Variants in ACACA observed in about 807,000 individuals in gnomAD.
ACACA encodes the protein acetyl-CoA carboxylase 1.
ACACA carries 103 observed loss-of-function variants against 296.1 expected under a neutral mutation model. The ratio of observed to expected loss-of-function variants is 0.35; its 90% CI spans 0.30 to 0.41. The LOEUF is 0.41. Among genes scored for constraint, ACACA ranks in the 10% least tolerant of loss-of-function variants. ACACA has a pLI of 1.00. For missense variants in ACACA, 1,554 were observed against 2,989.7 expected (o/e 0.52, Z 11.20); for synonymous variants, 953 against 1,038.6 (o/e 0.92, Z 1.58).
intron 28 of ACACA, 63 bp downstream of exon 28, chr17:37,223,449 T>G: frequency 7.4e-7 from 1 of 1,354,552 alleles, no homozygotes; most frequent in Non-Finnish European, 1.1e-6. Flanking sequence ...GGCAGCCAAA[T>G]AGACAGAAGA....
chr17:37,173,974 T>G (rs2076971596), intron 41 of ACACA, among the ~76,000 whole-genome samples: 2 of 95,486 alleles, frequency 2.1e-5, no homozygotes, highest in East Asian at 2.6e-4. Flanking sequence ...CCAACACGCC[T>G]GGCTAATTTA....
chr17:37,247,960 G>C (rs1221438831), intron 18 of ACACA, 51 bp downstream of exon 18: 1 of 1,610,984 alleles, frequency 6.2e-7, no homozygotes, highest in Admixed American at 1.7e-5. Context: ...TAGCTAATAA[G>C]AGAAAAGGCT....
chr17:37,106,002 C>T (rs1347784728), intron 52 of ACACA, among the ~76,000 whole-genome samples: 1 of 152,124 alleles, frequency 6.6e-6, no homozygotes, highest in Non-Finnish European at 1.5e-5. Flanking sequence ...ATACTCCCAT[C>T]CCTCAACCTT....
chr17:37,238,332 T>C (rs919055335), intron 24 of ACACA, among the ~76,000 whole-genome samples: 1 of 6,904 alleles, frequency 1.4e-4, no homozygotes, highest in Admixed American at 3.0e-3. Flanking sequence ...GTATCATTTA[T>C]TGAAAAAAAA....
rs185941471 is a variant in ACACA at position 37,230,035 on chromosome 17, T to C, written c.3247-3583A>G. Among the ~76,000 whole-genome samples the C allele has an allele frequency of 6.0e-3, 913 of 151,480 alleles. 9 individuals are homozygous for C. The highest frequency in any genetic ancestry group is 0.021 in the African/African-American group (879 of 41,322). On this transcript the variant is annotated intron_variant, in intron 25 of 55. Coordinates refer to ENST00000616317, the MANE Select transcript of ACACA (RefSeq NM_198834.3). The stretch of plus-strand genomic sequence containing the variant: ...GAGATTGCGTCATTGCACTACAGCC[T>C]GGGCAACAAGAGTGAAATTCCGTCT...
intron 28 of ACACA, chr17:37,222,077 T>G (rs141135465): frequency 1.8e-6 from 1 of 553,032 alleles, no homozygotes; most frequent in African/African-American, 1.9e-5. Flanking sequence ...TGGACACCTA[T>G]GTGCACTGTA....
At chr17:37,271,069 T>C (rs550616039) in intron 9 of ACACA, among the ~76,000 whole-genome samples, 3 of 152,326 alleles carry the variant, frequency 2.0e-5, no homozygotes, top group South Asian at 2.1e-4. Context: ...GCCTTTTTCA[T>C]AGATTTAAAA....
chr17:37,269,451 AC>A (rs1408685517), intron 10 of ACACA, among the ~76,000 whole-genome samples: 1 of 152,226 alleles, frequency 6.6e-6, no homozygotes, highest in Non-Finnish European at 1.5e-5. Context: ...TGCTTAAAAC[AC>A]ATTAGCCTAC....
At chr17:37,384,613 T>C (rs965673857) in intron 1 of ACACA, among the ~76,000 whole-genome samples, 2 of 152,222 alleles carry the variant, frequency 1.3e-5, no homozygotes, top group African/African-American at 4.8e-5. Flanking sequence ...GTGAGATTTG[T>C]TTATTTTTAT....
chr17:37,304,939 T>C (rs1211022272), intron 3 of ACACA, among the ~76,000 whole-genome samples: 2 of 152,022 alleles, frequency 1.3e-5, no homozygotes, highest in Admixed American at 6.6e-5. Flanking sequence ...CTATAAAATA[T>C]AAAAATAAAA....
At chr17:37,365,520 A>G in intron 1 of ACACA, 1 of 985,444 alleles carries the variant, frequency 1.0e-6, no homozygotes, top group East Asian at 1.1e-4. Flanking sequence ...CCAGTGGGAT[A>G]TATAGCTGCT....
At chr17:37,361,163 C>T (rs898643250) in intron 1 of ACACA, among the ~76,000 whole-genome samples, 5 of 151,906 alleles carry the variant, frequency 3.3e-5, no homozygotes, top group African/African-American at 7.3e-5. Context: ...CTCAGCCTCC[C>T]GAATAGCTGG....
At chr17:37,168,517 C>T (rs2076767376) in intron 41 of ACACA, among the ~76,000 whole-genome samples, 1 of 151,168 alleles carries the variant, frequency 6.6e-6, no homozygotes. Context: ...TTGAGCATTT[C>T]CATAACAAAA....
chr17:37,244,081 G>T (rs946670536), intron 21 of ACACA, among the ~76,000 whole-genome samples: 3 of 151,988 alleles, frequency 2.0e-5, no homozygotes, highest in African/African-American at 7.2e-5. Context: ...GACTAATCAC[G>T]GGCGGGCACA....
At chr17:37,098,868 G>C (rs1288202982) in intron 52 of ACACA, among the ~76,000 whole-genome samples, 1 of 152,236 alleles carries the variant, frequency 6.6e-6, no homozygotes, top group East Asian at 1.9e-4. Flanking sequence ...TAGAGGTGTT[G>C]CTATGGTGTG....
chr17:37,228,870 G>A (rs765393187), intron 25 of ACACA, among the ~76,000 whole-genome samples: 8 of 152,130 alleles, frequency 5.3e-5, no homozygotes, highest in South Asian at 4.1e-4. Flanking sequence ...AGGGCCAGGC[G>A]CGGTGGCTCA....
At chr17:37,324,022 G>A (rs1482060638) in intron 3 of ACACA, among the ~76,000 whole-genome samples, 2 of 152,174 alleles carry the variant, frequency 1.3e-5, no homozygotes, top group Non-Finnish European at 2.9e-5. Flanking sequence ...CCTGAGGTCA[G>A]GGGTTCAAGA....
intron 54 of ACACA, among the ~76,000 whole-genome samples, chr17:37,094,580 C>CT (rs988736848): frequency 1.1e-4 from 17 of 148,272 alleles, no homozygotes; most frequent in East Asian, 1.0e-3. Flanking sequence ...CCACCCCCCC[C>CT]CCCCCACACC....
chr17:37,235,403 T>C (rs181149223), intron 24 of ACACA, among the ~76,000 whole-genome samples: 39 of 152,268 alleles, frequency 2.6e-4, no homozygotes, highest in Non-Finnish European at 5.1e-4. Flanking sequence ...TTTTTAAAAA[T>C]TGGGGAGGTG....
Sources: allele counts gnomAD v4.1 joint callset (sites outside exome capture counted in the v4.1 genomes callset), GRCh38; gene constraint gnomAD v4.1.1; transcripts MANE v1.5; gene names NCBI Gene and HGNC (gene_info 2026-07-23, HGNC 2026-07-21).